Variants in PDE4B observed in about 807,000 individuals in gnomAD.
PDE4B encodes the protein 3',5'-cyclic-AMP phosphodiesterase 4B.
Under a neutral mutation model 82.2 loss-of-function variants are expected in PDE4B, and 20 were observed. The observed-to-expected ratio is 0.24, with a 90% CI of 0.17 to 0.35. PDE4B has a LOEUF of 0.35. Among genes scored for constraint, PDE4B ranks in the 10% least tolerant of loss-of-function variants. PDE4B has a pLI of 1.00. For missense variants in PDE4B, 655 were observed against 907.2 expected (o/e 0.72, Z 3.57); for synonymous variants, 320 against 318.9 (o/e 1.00, Z -0.04).
At chr1:66,088,891 C>CT (rs1472880196) in intron 3 of PDE4B, among the ~76,000 whole-genome samples, 2 of 152,086 alleles carry the variant, frequency 1.3e-5, no homozygotes, top group Non-Finnish European at 2.9e-5. Context: ...TCATCACATC[C>CT]TTTTTTTCTG....
intron 3 of PDE4B, among the ~76,000 whole-genome samples, chr1:66,084,808 G>A (rs1656921705): frequency 6.6e-6 from 1 of 152,140 alleles, no homozygotes; most frequent in Non-Finnish European, 1.5e-5. Context: ...GCACTACAGT[G>A]GAAGGGATTC....
intron 1 of PDE4B, among the ~76,000 whole-genome samples, chr1:65,841,964 T>C (rs1003553356): frequency 2.6e-5 from 4 of 152,292 alleles, no homozygotes; most frequent in Non-Finnish European, 4.4e-5. Flanking sequence ...GTGAAAGATA[T>C]ACCAATAACT....
chr1:66,091,612 C>T (rs1006947143), intron 3 of PDE4B, among the ~76,000 whole-genome samples: 1 of 151,934 alleles, frequency 6.6e-6, no homozygotes, highest in Non-Finnish European at 1.5e-5. Flanking sequence ...TTAGACATAT[C>T]CAGCAGATGA....
intron 1 of PDE4B, among the ~76,000 whole-genome samples, chr1:65,871,327 G>A (rs1646570932): frequency 6.6e-6 from 1 of 152,130 alleles, no homozygotes; most frequent in Non-Finnish European, 1.5e-5. Flanking sequence ...ATTCCCTAGT[G>A]ACACATAGTT....
intron 3 of PDE4B, among the ~76,000 whole-genome samples, chr1:66,074,969 G>A (rs1305770233): frequency 1.3e-5 from 2 of 151,982 alleles, no homozygotes; most frequent in Non-Finnish European, 2.9e-5. Context: ...TTGGGTCTTA[G>A]CGCAGGAGGG....
intron 3 of PDE4B, among the ~76,000 whole-genome samples, chr1:66,210,973 G>A (rs1649999521): frequency 6.6e-6 from 1 of 152,174 alleles, no homozygotes; most frequent in African/African-American, 2.4e-5. Context: ...GATAAGAGTA[G>A]TAGAACAAGA....
intron 3 of PDE4B, among the ~76,000 whole-genome samples, chr1:65,930,825 CT>C (rs142016074): frequency 1.0e-3 from 153 of 152,228 alleles, no homozygotes; most frequent in Admixed American, 2.0e-3. Flanking sequence ...TGAGTTAATG[CT>C]GGAATGAATT....
intron 3 of PDE4B, among the ~76,000 whole-genome samples, chr1:66,241,525 G>GAGA (rs1468639683): frequency 1.3e-5 from 2 of 150,874 alleles, no homozygotes; most frequent in African/African-American, 4.9e-5. Flanking sequence ...TTCTTTTTGT[G>GAGA]AGACTGAGTC....
chr1:66,257,906 A>AT, intron 6 of PDE4B, 43 bp downstream of exon 6: 1 of 1,337,902 alleles, frequency 7.5e-7, no homozygotes. Context: ...CCTAACATAA[A>AT]GGCAAAAAAT....
chr1:66,153,364 A>G (rs1230406776), intron 3 of PDE4B, among the ~76,000 whole-genome samples: 1 of 151,168 alleles, frequency 6.6e-6, no homozygotes, highest in Non-Finnish European at 1.5e-5. Context: ...CCTCTCTTGA[A>G]CCCCCAACAG....
At chr1:65,976,179 C>T (rs761461100) in intron 3 of PDE4B, among the ~76,000 whole-genome samples, 4 of 152,166 alleles carry the variant, frequency 2.6e-5, no homozygotes, top group Non-Finnish European at 5.9e-5. Flanking sequence ...CTTGGGAGCC[C>T]ACCCCTTGAA....
At chr1:66,345,500 T>G (rs1661327628) in intron 8 of PDE4B, among the ~76,000 whole-genome samples, 1 of 152,218 alleles carries the variant, frequency 6.6e-6, no homozygotes, top group South Asian at 2.1e-4. Context: ...TACTGATATC[T>G]TTCATTAGAC....
chr1:66,330,932 AG>A (rs1246994625), intron 7 of PDE4B: 1 of 258,244 alleles, frequency 3.9e-6, no homozygotes, highest in Non-Finnish European at 6.0e-6. Context: ...AAATGGAGGA[AG>A]TTACCTCCAG....
At chr1:65,939,213 A>C (rs1481013769) in intron 3 of PDE4B, among the ~76,000 whole-genome samples, 1 of 152,156 alleles carries the variant, frequency 6.6e-6, no homozygotes, top group Non-Finnish European at 1.5e-5. Context: ...CCACAGATGC[A>C]GCTGAACACA....
intron 8 of PDE4B, among the ~76,000 whole-genome samples, chr1:66,342,771 C>G (rs989606025): frequency 6.6e-6 from 1 of 151,074 alleles, no homozygotes; most frequent in African/African-American, 2.4e-5. Context: ...GAGGCCAGGC[C>G]AGTGGCTCAC....
At chr1:66,170,588 G>A (rs1646818769) in intron 3 of PDE4B, among the ~76,000 whole-genome samples, 1 of 152,146 alleles carries the variant, frequency 6.6e-6, no homozygotes, top group Admixed American at 6.5e-5. Flanking sequence ...ATGACAAATT[G>A]TAAAGATTTT....
chr1:66,045,856 G>A (rs936667847), intron 3 of PDE4B, among the ~76,000 whole-genome samples: 1 of 151,740 alleles, frequency 6.6e-6, no homozygotes, highest in African/African-American at 2.4e-5. Context: ...TGTGTTCTAG[G>A]AACCATGTAT....
At chr1:65,965,189 G>C (rs1384605064) in intron 3 of PDE4B, among the ~76,000 whole-genome samples, 1 of 152,054 alleles carries the variant, frequency 6.6e-6, no homozygotes, top group Non-Finnish European at 1.5e-5. Context: ...ACCTAGAGGA[G>C]TGAAAACACC....
At chr1:66,013,967 AT>A (rs927609608) in intron 3 of PDE4B, among the ~76,000 whole-genome samples, 4 of 152,016 alleles carry the variant, frequency 2.6e-5, no homozygotes, top group Non-Finnish European at 4.4e-5. Flanking sequence ...ATTTTCTGTT[AT>A]TTTTTTCTGA....
Sources: allele counts gnomAD v4.1 joint callset (sites outside exome capture counted in the v4.1 genomes callset), GRCh38; gene constraint gnomAD v4.1.1; transcripts MANE v1.5; gene names NCBI Gene and HGNC (gene_info 2026-07-23, HGNC 2026-07-21).